The following ZNF432 variants were observed in gnomAD, a reference collection of about 807,000 sequenced individuals.
The protein encoded by ZNF432 is zinc finger protein 432.
ZNF432 carries 10 observed loss-of-function variants against 13.9 expected under a neutral mutation model. That is an observed-to-expected ratio of 0.72 (90% CI 0.44 to 1.22). The LOEUF (loss-of-function observed/expected upper bound fraction) is 1.22. Among genes scored for constraint, ZNF432 ranks in the 50% most tolerant of loss-of-function variants. The pLI is 0.00. For synonymous variants in ZNF432, 247 were observed against 256.2 expected (o/e 0.96, Z 0.34); for missense variants, 793 against 796.2 (o/e 1.00, Z 0.05).
intron 1 of ZNF432, among the ~76,000 whole-genome samples, chr19:52,047,520 T>C (rs1451755827): frequency 1.3e-5 from 2 of 151,656 alleles, no homozygotes; most frequent in East Asian, 3.9e-4. Context: ...CTACTAAAAA[T>C]AGAAAAAATT....
At chr19:52,048,182 C>CACACACACACACACACAA (rs1482172095) in intron 1 of ZNF432, among the ~76,000 whole-genome samples, 3 of 146,316 alleles carry the variant, frequency 2.1e-5, no homozygotes, top group East Asian at 2.0e-4. Flanking sequence ...CACACACACA[C>CACACACACACACACACAA]AAAACCAGCC....
chr19:52,048,245 C>T (rs3752119), intron 1 of ZNF432, among the ~76,000 whole-genome samples: 29,240 of 150,758 alleles, frequency 0.19, 3,184 homozygotes, highest in East Asian at 0.38. Context: ...CAAAAGACCA[C>T]CACCCCGCCA....
chr19:52,048,128 A>AACACACACACAC (rs3138637), intron 1 of ZNF432, among the ~76,000 whole-genome samples: 6,189 of 103,282 alleles, frequency 0.06, 478 homozygotes, highest in Non-Finnish European at 0.078. Context: ...GTTTGAGCTC[A>AACACACACACAC]ACACACACAC....
rs1450066196 is a variant in ZNF432, at chr19:52,040,531, T to C, written c.195A>G (p.Glu65=). ...GCCTTTCATCTTCCATTGTCCATGG[T>C]TCTTCTCCTCGTTCCAACTTGGAGA... ...DALSKLERGE[E]PWTMEDERHS... Residue 65 remains glutamate (E), a synonymous_variant, in exon 4 of 5, where the codon GAA becomes GAG. Coordinates refer to ENST00000221315, the MANE Select transcript of ZNF432 (RefSeq NM_014650.4). The C allele has an allele frequency of 1.9e-6, 3 of 1,614,184 alleles. No individual in the cohort carries two copies. The highest frequency in any genetic ancestry group is 1.1e-5 in the South Asian group (1 of 91,082).
chr19:52,040,351 A>C, intron 4 of ZNF432, 137 bp downstream of exon 4: 1 of 754,054 alleles, frequency 1.3e-6, no homozygotes, highest in South Asian at 1.5e-5. Flanking sequence ...CCTTAAAATA[A>C]GATGGGAAGG....
At chr19:52,040,988 T>C (rs73066147) in intron 3 of ZNF432, among the ~76,000 whole-genome samples, 14,869 of 150,564 alleles carry the variant, frequency 0.099, 1,062 homozygotes, top group South Asian at 0.31. Context: ...CCTGTAGGCA[T>C]AGTTCCTCAG....
In ZNF432 at chr19:52,034,724, A is replaced by G. The variant is rs774963244; in HGVS notation, c.955T>C (p.Cys319Arg). 1.9e-6 allele frequency: 3 copies of G among 1,613,784 alleles called. No individual in the cohort carries two copies. Among genetic ancestry groups the G allele is most frequent in the South Asian group, 2.2e-5 (2 of 91,006 alleles). ...RNHTGEKSYICSECGKGFTGK... is the reference protein window; with the variant it reads ...RNHTGEKSYIRSECGKGFTGK... Reference sequence around the variant, plus strand: ...GTGAAGCCTTTTCCACATTCACTACATATATAGGATTTCTCTCCAGTATGA... The same window carrying G: ...GTGAAGCCTTTTCCACATTCACTACGTATATAGGATTTCTCTCCAGTATGA... The change falls in exon 5 of 5, where the codon TGT becomes CGT. Residue 319 changes from cysteine (C) to arginine (R), a missense_variant. Cys to Arg is a radical substitution (Grantham distance 180). Transcript: ENST00000221315.
Position 52,043,888 on chromosome 19 carries a change from C to A in ZNF432, c.16-2282G>T, listed in dbSNP as rs1208495778. ...TCCCCACTATTGTCTTGTGACCCTGCCACATCCCCCTCTCGGAGAAACACC... is the reference window on the plus strand; with the variant it reads ...TCCCCACTATTGTCTTGTGACCCTGACACATCCCCCTCTCGGAGAAACACC... On this transcript the variant is annotated intron_variant, in intron 2 of 4. Transcript: ENST00000221315. Among the ~76,000 whole-genome samples the A allele has an allele frequency of 4.6e-5, 7 of 151,968 alleles. No homozygotes were observed. The South Asian group carries it at 1.2e-3, about 27-fold the overall frequency.
In ZNF432 at chr19:52,046,908, C is replaced by CT; in HGVS notation, c.-41dup. ...GGAAATGGCCAGCACCTGGGATACT[C>CT]TGTCTTTGTCTCCTCTGGATCTGCC... is the stretch of plus-strand genomic sequence containing the variant. On this transcript the variant is annotated 5_prime_UTR_variant, in exon 2 of 5. Coordinates refer to ENST00000221315, the MANE Select transcript of ZNF432 (RefSeq NM_014650.4). The CT allele has an allele frequency of 6.2e-7, 1 of 1,609,610 alleles. No individual in the cohort carries two copies. Among genetic ancestry groups the CT allele is most frequent in the Non-Finnish European group, 8.5e-7 (1 of 1,177,766 alleles).
intron 1 of ZNF432, among the ~76,000 whole-genome samples, chr19:52,047,979 A>G (rs1306108019): frequency 6.6e-6 from 1 of 152,044 alleles, no homozygotes; most frequent in Non-Finnish European, 1.5e-5. Flanking sequence ...TTCACCCCCA[A>G]AAAACTTTCA....
chr19:52,043,351 G>A (rs991252908), intron 2 of ZNF432, among the ~76,000 whole-genome samples: 18 of 152,316 alleles, frequency 1.2e-4, no homozygotes, highest in African/African-American at 4.1e-4. Context: ...TTGTTAAACA[G>A]ATGCTTAAAG....
intron 3 of ZNF432, 105 bp from the exon 4 acceptor site, chr19:52,040,688 G>C: frequency 1.1e-6 from 1 of 880,908 alleles, no homozygotes; most frequent in East Asian, 2.5e-5. Context: ...ACATCTGAAA[G>C]TAGAGGCTTC....
At chr19:52,036,548 G>A (rs2087082733) in intron 4 of ZNF432, among the ~76,000 whole-genome samples, 1 of 152,202 alleles carries the variant, frequency 6.6e-6, no homozygotes, top group South Asian at 2.1e-4. Flanking sequence ...TATATACTGT[G>A]AAACACACTT....
intron 4 of ZNF432, among the ~76,000 whole-genome samples, chr19:52,039,676 C>CAA (rs10689263): frequency 0.069 from 10,487 of 151,496 alleles, 673 homozygotes; most frequent in African/African-American, 0.17. Context: ...TACAAAAACA[C>CAA]AAATTAGCTG....
At position 52,034,094 on chromosome 19, in the gene ZNF432, C is replaced by G; in HGVS notation, c.1585G>C (p.Val529Leu). Residue 529 changes from valine to leucine, a missense_variant, in exon 5 of 5, where the codon GTT becomes CTT. Coordinates refer to ENST00000221315, the MANE Select transcript of ZNF432 (RefSeq NM_014650.4). The stretch of plus-strand genomic sequence containing the variant: ...CCAGTATGAGTTCGCTGGTGTACAA[C>G]AAGATTGCTCTTAAAGGCAAAACCT... ...GKGFAFKSNL[V>L]VHQRTHTGEK... The G allele has an allele frequency of 6.2e-7, 1 of 1,612,396 alleles. No homozygotes were observed. The highest frequency in any genetic ancestry group is 1.3e-5 in the African/African-American group (1 of 74,478).
intron 4 of ZNF432, among the ~76,000 whole-genome samples, chr19:52,037,072 A>T (rs2123149106): frequency 6.6e-6 from 1 of 152,366 alleles, no homozygotes; most frequent in South Asian, 2.1e-4. Flanking sequence ...AAGCCCTGTT[A>T]GAGGAACCAA....
In ZNF432 at chr19:52,035,196, A is replaced by G. The variant is rs1600048492; in HGVS notation, c.483T>C (p.Asp161=). The change falls in exon 5 of 5, where the codon GAT becomes GAC. Residue 161 remains aspartate (D), a synonymous_variant. Coordinates refer to ENST00000221315, the MANE Select transcript of ZNF432 (RefSeq NM_014650.4). ...AGTTACCATGAAGAAATGATTTCCC[A>G]TCTCCACTAAATTTAGTAGAGTTGT... ...EINNSTKFSG[D]GKSFLHGNYE... 1 of 1,612,646 alleles carries G rather than the reference A, an allele frequency of 6.2e-7. No individual in the cohort carries two copies. The highest frequency in any genetic ancestry group is 8.5e-7 in the Non-Finnish European group (1 of 1,179,730).
rs745754626 is a variant in ZNF432, at chr19:52,033,495, CTCAGA to C, written c.*220_*224del. 121 of 502,000 alleles carry C rather than the reference CTCAGA, an allele frequency of 2.4e-4. No individual in the cohort carries two copies. The highest frequency in any genetic ancestry group is 3.5e-4 in the Non-Finnish European group (102 of 292,264). The allele number at this position is 502,000 out of a possible 1,614,324, so 31.1% of individuals were successfully genotyped here. On this transcript the variant is annotated 3_prime_UTR_variant, in exon 5 of 5. Transcript: ENST00000221315. ...GTTACCCCCAATCCACAGACTCTCTCTCAGATGAGTAATTTTCTATACATTGGTAC... is the reference window on the plus strand; with the variant it reads ...GTTACCCCCAATCCACAGACTCTCTCTGAGTAATTTTCTATACATTGGTAC...
Position 52,034,400 on chromosome 19 carries a change from T to G in ZNF432, c.1279A>C (p.Lys427Gln). Residue 427 changes from lysine to glutamine, a missense_variant, in exon 5 of 5, where the codon AAG becomes CAG. Lys to Gln is a moderately conservative substitution (Grantham distance 53). Transcript: ENST00000221315. ...CCACATTCACTACATAGATATGACT[T>G]CTCTACTGTATGATTTCTCTGATGT... ...IVHQRNHTVE[K>Q]SYLCSECGKG... 6.2e-7 allele frequency: 1 copy of G among 1,614,008 alleles called. No individual in the cohort carries two copies. Among genetic ancestry groups the G allele is most frequent in the Non-Finnish European group, 8.5e-7 (1 of 1,179,986 alleles).
Sources: allele counts gnomAD v4.1 joint callset (sites outside exome capture counted in the v4.1 genomes callset), GRCh38; gene constraint gnomAD v4.1.1; transcripts MANE v1.5; gene names NCBI Gene and HGNC (gene_info 2026-07-23, HGNC 2026-07-21).